TAS2R1: variants seen among roughly 807,000 people sequenced by gnomAD.
TAS2R1 encodes taste receptor type 2 member 1.
For missense variants in TAS2R1, 370 were observed against 353.4 expected, an observed-to-expected ratio of 1.05 and a Z score of -0.38; for synonymous variants, 141 against 134.2, an observed-to-expected ratio of 1.05 and a Z score of -0.35.
chr5:9,842,316 C>CGTTTT, the TAS2R1 span, among the ~76,000 whole-genome samples: 1 of 116,228 alleles, frequency 8.6e-6, no homozygotes, highest in Non-Finnish European at 1.7e-5. Context: ...TTCTTTCTCT[C>CGTTTT]TTTTTTTTTT....
the TAS2R1 span, among the ~76,000 whole-genome samples, chr5:9,738,561 C>T: frequency 9.2e-5 from 14 of 152,258 alleles, no homozygotes; most frequent in African/African-American, 3.1e-4. Flanking sequence ...GCCAACCTAG[C>T]GATGATTATT....
At chr5:9,641,073 G>C (rs1258110640) in intron 2 of TAS2R1, among the ~76,000 whole-genome samples, 1 of 151,332 alleles carries the variant, frequency 6.6e-6, no homozygotes, top group Non-Finnish European at 1.5e-5. Context: ...AAGTGGGAAA[G>C]TGAAAAAAAA....
the TAS2R1 span, among the ~76,000 whole-genome samples, chr5:9,820,610 A>G: frequency 6.6e-6 from 1 of 152,162 alleles, no homozygotes; most frequent in African/African-American, 2.4e-5. Context: ...CACTCACAGC[A>G]CTGAAAACCC....
rs181110915 is a variant in TAS2R1, at chr5:9,670,892, A to G, written c.-241-11311T>C. Among the ~76,000 whole-genome samples the G allele has an allele frequency of 1.2e-3, 183 of 152,320 alleles. 2 individuals carry two copies. Among genetic ancestry groups the G allele is most frequent in the African/African-American group, 4.1e-3 (169 of 41,572 alleles). On this transcript the variant is annotated intron_variant, in intron 1 of 2. Coordinates refer to the TAS2R1 transcript ENST00000506620. ...ATAAACATAGGTGCAAAACTCCTCA[A>G]CAAAATACTAGAAAACCAAATCCAG...
the TAS2R1 span, among the ~76,000 whole-genome samples, chr5:9,732,514 A>G: frequency 3.3e-5 from 5 of 152,110 alleles, no homozygotes; most frequent in Admixed American, 1.3e-4. Flanking sequence ...GGAAGATGGA[A>G]GGAGATCTGT....
chr5:9,749,104 C>T, the TAS2R1 span, among the ~76,000 whole-genome samples: 2 of 152,288 alleles, frequency 1.3e-5, no homozygotes, highest in East Asian at 3.9e-4. Context: ...TTTTCCATCA[C>T]AGTAGATCCA....
At chr5:9,879,171 A>G in the TAS2R1 span, among the ~76,000 whole-genome samples, 2,004 of 152,380 alleles carry the variant, frequency 0.013, 46 homozygotes, top group African/African-American at 0.046. Flanking sequence ...ATGTTCTTTA[A>G]AAATCAAAGT....
chr5:9,730,221 C>T, the TAS2R1 span, among the ~76,000 whole-genome samples: 9 of 152,114 alleles, frequency 5.9e-5, no homozygotes, highest in African/African-American at 1.2e-4. Context: ...GAGGATCAGA[C>T]GGAAGCAAGA....
intron 1 of TAS2R1, among the ~76,000 whole-genome samples, chr5:9,662,197 G>A (rs1356039860): frequency 6.6e-6 from 1 of 152,182 alleles, no homozygotes; most frequent in Non-Finnish European, 1.5e-5. Context: ...TCTACTCCTT[G>A]ATGAGAAGAG....
chr5:9,777,400 G>A, the TAS2R1 span, among the ~76,000 whole-genome samples: 65 of 152,326 alleles, frequency 4.3e-4, no homozygotes, highest in African/African-American at 1.4e-3. Flanking sequence ...GTGCTCATTC[G>A]TAAGAAGCAG....
chr5:9,674,940 T>C (rs1477182395), intron 1 of TAS2R1, among the ~76,000 whole-genome samples: 1 of 151,954 alleles, frequency 6.6e-6, no homozygotes, highest in Admixed American at 6.6e-5. Context: ...CTTGTGTATG[T>C]AAAAAATTTT....
the TAS2R1 span, among the ~76,000 whole-genome samples, chr5:9,848,019 T>C: frequency 1.3e-5 from 2 of 152,324 alleles, no homozygotes; most frequent in African/African-American, 4.8e-5. Context: ...AATTTGTGTT[T>C]GAACACTCCC....
chr5:9,719,106 G>A, the TAS2R1 span, among the ~76,000 whole-genome samples: 1 of 152,146 alleles, frequency 6.6e-6, no homozygotes, highest in Non-Finnish European at 1.5e-5. Context: ...AATCAATAGT[G>A]TAACATCATT....
chr5:9,701,676 T>C (rs1423120748), intron 1 of TAS2R1, among the ~76,000 whole-genome samples: 1 of 152,240 alleles, frequency 6.6e-6, no homozygotes, highest in Non-Finnish European at 1.5e-5. Flanking sequence ...TGCAAATACT[T>C]TTGTAAAGTT....
the TAS2R1 span, among the ~76,000 whole-genome samples, chr5:9,724,122 G>A: frequency 6.6e-6 from 1 of 152,194 alleles, no homozygotes; most frequent in Non-Finnish European, 1.5e-5. Flanking sequence ...CAATTCCTGA[G>A]AAACTGACCA....
At chr5:9,712,577 C>T (rs1313989071), upstream of TAS2R1, among the ~76,000 whole-genome samples, 1 of 152,176 alleles carries the variant, frequency 6.6e-6, no homozygotes, top group African/African-American at 2.4e-5. Flanking sequence ...CCTGAGTTTC[C>T]AGCTTGCCTG....
chr5:9,801,734 A>G, the TAS2R1 span, among the ~76,000 whole-genome samples: 4 of 152,122 alleles, frequency 2.6e-5, no homozygotes, highest in Non-Finnish European at 5.9e-5. Context: ...CTGCATCAGG[A>G]GGGGGCAAGG....
the TAS2R1 span, among the ~76,000 whole-genome samples, chr5:9,742,355 C>T: frequency 1.3e-5 from 2 of 152,166 alleles, no homozygotes; most frequent in Non-Finnish European, 2.9e-5. Flanking sequence ...TACATCCCTG[C>T]TCCTAAGTTC....
At chr5:9,635,581 C>T (rs1203181190) in intron 2 of TAS2R1, among the ~76,000 whole-genome samples, 2 of 151,220 alleles carry the variant, frequency 1.3e-5, no homozygotes, top group Non-Finnish European at 3.0e-5. Context: ...TGGTTCTGGA[C>T]ATTTTTGTTG....
Sources: gnomAD v4.1 joint callset for allele counts (sites outside exome capture counted in the v4.1 genomes callset) on GRCh38, gnomAD v4.1.1 for gene constraint, MANE v1.5 for transcripts, NCBI Gene and HGNC (gene_info 2026-07-23, HGNC 2026-07-21) for gene names.